The following EIF3E variants were observed in gnomAD, a reference collection of about 807,000 sequenced individuals.
EIF3E encodes the protein eIF-3 p48.
A neutral mutation model predicts 59.3 loss-of-function variants in EIF3E; 25 were observed. That is an observed-to-expected ratio of 0.42 (90% confidence interval 0.31 to 0.59). EIF3E has a LOEUF of 0.59. Among genes scored for constraint, EIF3E ranks in the 20% least tolerant of loss-of-function variants. EIF3E has a pLI of 0.15. For synonymous variants in EIF3E, 176 were observed against 170.2 expected, an observed-to-expected ratio of 1.03 and a Z score of -0.26; for missense variants, 317 against 534.3, an observed-to-expected ratio of 0.59 and a Z score of 4.01.
At chr8:108,224,390 T>C (rs576942922) in intron 7 of EIF3E, among the ~76,000 whole-genome samples, 4 of 151,528 alleles carry the variant, frequency 2.6e-5, no homozygotes, top group African/African-American at 9.8e-5. Flanking sequence ...TGATTATAGA[T>C]ATACAAATGC....
intron 10 of EIF3E, among the ~76,000 whole-genome samples, chr8:108,209,286 T>C (rs1409635808): frequency 6.6e-6 from 1 of 152,090 alleles, no homozygotes; most frequent in East Asian, 1.9e-4. Flanking sequence ...TGGAATAATA[T>C]GCCATAGTTA....
chr8:108,233,593 A>G (rs1177456667), intron 5 of EIF3E: 2 of 311,136 alleles, frequency 6.4e-6, no homozygotes, highest in Non-Finnish European at 1.3e-5. Flanking sequence ...GTAAATCCCA[A>G]AGCATTGAAA....
intron 7 of EIF3E, among the ~76,000 whole-genome samples, chr8:108,222,343 C>T (rs747627761): frequency 7.6e-4 from 115 of 152,278 alleles, no homozygotes; most frequent in Non-Finnish European, 1.3e-3. Flanking sequence ...CCATGCCCAG[C>T]CAGACTTTGA....
chr8:108,203,528 T>C lies in EIF3E; in HGVS notation c.1062-25A>G, dbSNP rs750619437. On this transcript the variant is annotated intron_variant, in intron 10 of 12. Transcript: ENST00000220849. Reference sequence around the variant, plus strand: ...GCTAATGAAAAAGTAAAAACAGCAATGTTAATTAACTGGGCCTAAAAACTT... The same window carrying C: ...GCTAATGAAAAAGTAAAAACAGCAACGTTAATTAACTGGGCCTAAAAACTT... 5.6e-6 allele frequency: 9 copies of C among 1,599,646 alleles called. No individual in the cohort carries two copies. In the Admixed American group the frequency reaches 1.0e-4, roughly 18 times the overall value.
At chr8:108,210,258 C>A (rs1227571982) in intron 10 of EIF3E, among the ~76,000 whole-genome samples, 3 of 152,016 alleles carry the variant, frequency 2.0e-5, no homozygotes, top group Non-Finnish European at 4.4e-5. Context: ...CAATGATTCC[C>A]CAAGGCTGAC....
chr8:108,248,273 T>C (rs1423746413), intron 1 of EIF3E, among the ~76,000 whole-genome samples: 1 of 152,174 alleles, frequency 6.6e-6, no homozygotes, highest in Non-Finnish European at 1.5e-5. Context: ...AGGTTGCTTT[T>C]ACAAGCCAGC....
chr8:108,209,525 C>G (rs533100756), intron 10 of EIF3E, among the ~76,000 whole-genome samples: 21 of 151,890 alleles, frequency 1.4e-4, no homozygotes, highest in African/African-American at 5.1e-4. Context: ...TTTATTTGTC[C>G]ACTTATTTAA....
At chr8:108,225,632 T>A (rs1203631408) in intron 7 of EIF3E, among the ~76,000 whole-genome samples, 1 of 151,634 alleles carries the variant, frequency 6.6e-6, no homozygotes, top group African/African-American at 2.4e-5. Context: ...ATTTTATCTG[T>A]ACTTCTTACT....
At chr8:108,232,151 TAC>T (rs1815636134) in intron 5 of EIF3E, among the ~76,000 whole-genome samples, 1 of 152,124 alleles carries the variant, frequency 6.6e-6, no homozygotes, top group African/African-American at 2.4e-5. Flanking sequence ...TTCAAACAAA[TAC>T]ACAGATCTTG....
chr8:108,245,628 G>A (rs1016932118), intron 1 of EIF3E, among the ~76,000 whole-genome samples: 4 of 152,196 alleles, frequency 2.6e-5, no homozygotes, highest in Admixed American at 6.5e-5. Context: ...TGCTCTGACT[G>A]CACAGAGGTA....
chr8:108,228,466 T>A (rs596747), intron 6 of EIF3E, 75 bp from the exon 7 acceptor site: 244,920 of 1,158,382 alleles, frequency 0.21, 27,192 homozygotes, highest in Admixed American at 0.23. Context: ...CATCACTAAC[T>A]TCAAAACTGT....
chr8:108,242,221 C>A (rs1384393703), intron 1 of EIF3E: 1 of 1,304,612 alleles, frequency 7.7e-7, no homozygotes. Flanking sequence ...CCTTTCTAGG[C>A]AAGGCTGTGT....
chr8:108,201,961 A>C, intron 12 of EIF3E, 38 bp from the exon 13 acceptor site: 4 of 1,531,758 alleles, frequency 2.6e-6, no homozygotes, highest in Non-Finnish European at 1.8e-6. Context: ...CGTGAAAAGA[A>C]AATACTTTCG....
chr8:108,222,382 C>A (rs1294309712), intron 7 of EIF3E, among the ~76,000 whole-genome samples: 1 of 152,104 alleles, frequency 6.6e-6, no homozygotes, highest in African/African-American at 2.4e-5. Context: ...CCTTACAGGG[C>A]AAAAGTGATC....
At chr8:108,246,045 A>G (rs1815941434) in intron 1 of EIF3E, among the ~76,000 whole-genome samples, 1 of 152,168 alleles carries the variant, frequency 6.6e-6, no homozygotes, top group South Asian at 2.1e-4. Context: ...TAAACTGGGA[A>G]CAAGAGATGA....
chr8:108,247,347 T>C (rs1004254299), intron 1 of EIF3E, among the ~76,000 whole-genome samples: 5 of 152,198 alleles, frequency 3.3e-5, no homozygotes, highest in African/African-American at 9.7e-5. Context: ...TACTAGATCT[T>C]TTGTCCTCAC....
intron 3 of EIF3E, among the ~76,000 whole-genome samples, chr8:108,239,425 C>T (rs191717561): frequency 6.6e-6 from 1 of 152,294 alleles, no homozygotes; most frequent in African/African-American, 2.4e-5. Flanking sequence ...TGGTCTCAAA[C>T]TCCTAGGCTC....
chr8:108,226,635 ATATC>A (rs1389682423), intron 7 of EIF3E, among the ~76,000 whole-genome samples: 1 of 152,174 alleles, frequency 6.6e-6, no homozygotes, highest in Non-Finnish European at 1.5e-5. Context: ...TTTTCAGTGT[ATATC>A]TATCTAACTT....
At chr8:108,243,638 GAAA>G (rs779684560) in intron 1 of EIF3E, among the ~76,000 whole-genome samples, 4 of 70,986 alleles carry the variant, frequency 5.6e-5, no homozygotes, top group Admixed American at 1.9e-4. Context: ...CAAAAAAAAA[GAAA>G]AAAAAAAAAA....
Sources: gnomAD v4.1 joint callset for allele counts (sites outside exome capture counted in the v4.1 genomes callset) on GRCh38, gnomAD v4.1.1 for gene constraint, MANE v1.5 for transcripts, NCBI Gene and HGNC (gene_info 2026-07-23, HGNC 2026-07-21) for gene names.